Variants in ERBB3 observed in about 807,000 individuals in gnomAD.
The protein encoded by ERBB3 is erb-b2 receptor tyrosine kinase 3.
Under a neutral mutation model 156.7 loss-of-function variants are expected in ERBB3, and 96 were observed. The ratio of observed to expected loss-of-function variants is 0.61; its 90% CI spans 0.52 to 0.73. The LOEUF (loss-of-function observed/expected upper bound fraction) is 0.73. ERBB3 is among the 30% of genes least tolerant of loss of function. The probability of loss-of-function intolerance (pLI) is 0.00; values close to 1 mark genes in which losing one functional copy is unlikely to be tolerated. For missense variants in ERBB3, 1,406 were observed against 1,709.4 expected (o/e 0.82, Z 3.13); for synonymous variants, 567 against 632.0 (o/e 0.90, Z 1.54).
chr12:56,094,027 G>C, intron 13 of ERBB3, 72 bp from the exon 14 acceptor site: 1 of 1,556,502 alleles, frequency 6.4e-7, no homozygotes, highest in East Asian at 2.2e-5. Context: ...TAGGAGACCT[G>C]TGGTTGTGAG....
At position 56,100,254 on chromosome 12, in the gene ERBB3, T is replaced by C. The variant is rs778472746; in HGVS notation, c.3201+9T>C. ...TTGGGGAGTCTTGCCAGGTAAGTTC[T>C]GTTGCTGAGAGGCTGGGTTTTAGGA... On this transcript the variant is annotated intron_variant, in intron 26 of 27. Coordinates refer to ENST00000267101, the MANE Select transcript of ERBB3 (RefSeq NM_001982.4). 6.2e-7 allele frequency: 1 copy of C among 1,608,202 alleles called. No homozygotes were observed. Among genetic ancestry groups the C allele is most frequent in the East Asian group, 2.2e-5 (1 of 44,854 alleles).
intron 9 of ERBB3, among the ~76,000 whole-genome samples, chr12:56,089,871 G>C (rs1186067063): frequency 1.3e-5 from 2 of 149,972 alleles, no homozygotes; most frequent in African/African-American, 4.9e-5. Context: ...TTTAAAATGT[G>C]TGTGTGTGTG....
At chr12:56,094,653 AAG>A in intron 15 of ERBB3, 97 bp downstream of exon 15, 1 of 1,417,942 alleles carries the variant, frequency 7.1e-7, no homozygotes, top group Non-Finnish European at 9.7e-7. Flanking sequence ...GCTGTGATTC[AAG>A]AATCACTCCC....
Position 56,088,532 on chromosome 12 carries a change from C to G in ERBB3, c.875-11C>G, listed in dbSNP as rs1285521372. 6.3e-7 allele frequency: 1 copy of G among 1,589,912 alleles called. No individual in the cohort carries two copies. The highest frequency in any genetic ancestry group is 8.6e-7 in the Non-Finnish European group (1 of 1,157,984). ...CCTCATCTCTAATGGTGTCCTCCTC[C>G]TCTTCCCTAGATAACTTTGTGGTGG... is the stretch of plus-strand genomic sequence containing the variant. On this transcript the variant is annotated splice_polypyrimidine_tract_variant and intron_variant, in intron 7 of 27. Coordinates refer to ENST00000267101, the MANE Select transcript of ERBB3 (RefSeq NM_001982.4).
intron 13 of ERBB3, 29 bp from the exon 14 acceptor site, chr12:56,094,069 AC>A (rs547752484): frequency 1.0e-4 from 161 of 1,577,296 alleles, no homozygotes; most frequent in Middle Eastern, 3.3e-4. Context: ...CTTGGAAGTG[AC>A]CCCCCCCTCC....
intron 14 of ERBB3, 29 bp from the exon 15 acceptor site, chr12:56,094,373 T>C: frequency 6.2e-7 from 1 of 1,613,930 alleles, no homozygotes; most frequent in Non-Finnish European, 8.5e-7. Context: ...TGGGATCTGA[T>C]TCTTCCTGAC....
rs1869042238 is a variant in ERBB3, at chr12:56,100,192, C to T, written c.3148C>T (p.Pro1050Ser). 1 of 1,614,014 alleles carries T rather than the reference C, an allele frequency of 6.2e-7. No homozygotes were observed. Among genetic ancestry groups the T allele is most frequent in the Non-Finnish European group, 8.5e-7 (1 of 1,179,888 alleles). ...ATCCTAGAGCCAGAGCCTTTTAAGTCCATCATCTGGATACATGCCCATGAA... is the reference window on the plus strand; with the variant it reads ...ATCCTAGAGCCAGAGCCTTTTAAGTTCATCATCTGGATACATGCCCATGAA... ...RPRGSQSLLS[P>S]SSGYMPMNQG... Residue 1050 changes from proline to serine, a missense_variant, in exon 26 of 28, where the codon CCA becomes TCA. Coordinates refer to ENST00000267101, the MANE Select transcript of ERBB3 (RefSeq NM_001982.4).
chr12:56,091,275 T>A (rs10876871), intron 9 of ERBB3, among the ~76,000 whole-genome samples: 411 of 12,300 alleles, frequency 0.033, 13 homozygotes, highest in Non-Finnish European at 0.038. Flanking sequence ...TTTATATATA[T>A]ATATATATAT....
intron 7 of ERBB3, 51 bp from the exon 8 acceptor site, chr12:56,088,492 C>A (rs2136796437): frequency 1.5e-6 from 2 of 1,353,626 alleles, no homozygotes; most frequent in African/African-American, 1.4e-5. Flanking sequence ...CCATTGGTAG[C>A]TGGTGATGTT....
At chr12:56,083,535 C>CTTTTTTA in intron 1 of ERBB3, 1 of 597,026 alleles carries the variant, frequency 1.7e-6, no homozygotes, top group Non-Finnish European at 3.0e-6. Context: ...TTTCACCTTC[C>CTTTTTTA]CATTCATGGA....
intron 22 of ERBB3, 28 bp from the exon 23 acceptor site, chr12:56,098,731 G>C: frequency 1.2e-6 from 2 of 1,613,930 alleles, no homozygotes. Flanking sequence ...TATTTTGCCA[G>C]TGACTAGTCC....
chr12:56,096,442 G>A lies in ERBB3; in HGVS notation c.2056-61G>A, dbSNP rs564591346. The stretch of plus-strand genomic sequence containing the variant: ...CTTTTGGCATTCACCTATGAGGAGC[G>A]GGTTGGAGTGGGACATGGGAATGGC... On this transcript the variant is annotated intron_variant, in intron 17 of 27. Coordinates refer to ENST00000267101, the MANE Select transcript of ERBB3 (RefSeq NM_001982.4). 129 of 1,609,090 alleles carry A rather than the reference G, an allele frequency of 8.0e-5. No homozygotes were observed. The South Asian group carries it at 1.1e-3, about 14-fold the overall frequency.
intron 9 of ERBB3, among the ~76,000 whole-genome samples, chr12:56,089,347 C>G (rs1220553119): frequency 1.3e-5 from 2 of 152,054 alleles, no homozygotes; most frequent in African/African-American, 4.8e-5. Context: ...TCTCGAACTC[C>G]TGTGCTCAAG....
At chr12:56,086,901 G>A (rs1468131631) in intron 4 of ERBB3, among the ~76,000 whole-genome samples, 1 of 152,112 alleles carries the variant, frequency 6.6e-6, no homozygotes, top group Non-Finnish European at 1.5e-5. Flanking sequence ...TGGCACTTTG[G>A]GAAGCCAAGG....
chr12:56,093,273 C>T (rs1868774759), intron 11 of ERBB3, 72 bp from the exon 12 acceptor site: 4 of 1,434,000 alleles, frequency 2.8e-6, no homozygotes, highest in Non-Finnish European at 2.9e-6. Context: ...AATTTCTTGA[C>T]TAACATGAAT....
chr12:56,084,996 G>A lies in ERBB3; in HGVS notation c.236G>A (p.Trp79Ter). The change falls in exon 3 of 28, where the codon TGG (tryptophan) becomes TAG (stop). Residue 79 changes from tryptophan (W) to a stop codon, truncating the protein, a stop_gained and splice_region_variant. Transcript: ENST00000267101. LOFTEE classifies it high-confidence loss of function. ...TTTACATAATCTGCTCTGTCACAGT[G>A]GATTCGAGAAGTGACAGGCTATGTC... is the stretch of plus-strand genomic sequence containing the variant. ...GHNADLSFLQ[W>*]IREVTGYVLV... 1.2e-6 allele frequency: 2 copies of A among 1,613,664 alleles called. No homozygotes were observed. Among genetic ancestry groups the A allele is most frequent in the South Asian group, 1.1e-5 (1 of 91,074 alleles).
At position 56,085,041 on chromosome 12, in the gene ERBB3, TCTCTA is replaced by T. The variant is rs1868429895; in HGVS notation, c.288_292del (p.Leu97IlefsTer26). ...TATGTCCTCGTGGCCATGAATGAAT[TCTCTA>T]CTCTACCATTGCCCAACCTCCGCGT... On this transcript the variant is annotated frameshift_variant, in exon 3 of 28. Transcript: ENST00000267101. LOFTEE classifies it high-confidence loss of function. 1 of 1,614,088 alleles carries T rather than the reference TCTCTA, an allele frequency of 6.2e-7. No homozygotes were observed. Among genetic ancestry groups the T allele is most frequent in the South Asian group, 1.1e-5 (1 of 91,072 alleles).
In ERBB3 at chr12:56,098,494, C is replaced by T. The variant is rs1392213842; in HGVS notation, c.2617-6C>T. The T allele has an allele frequency of 4.4e-6, 7 of 1,601,014 alleles. No homozygotes were observed. Among genetic ancestry groups the T allele is most frequent in the Non-Finnish European group, 6.0e-6 (7 of 1,168,126 alleles). Reference sequence around the variant, plus strand: ...AACTTGTGATACCTCTATCTTTAATCCGCAGACTCCAATTAAGTGGATGGC... The same window carrying T: ...AACTTGTGATACCTCTATCTTTAATTCGCAGACTCCAATTAAGTGGATGGC... On this transcript the variant is annotated splice_polypyrimidine_tract_variant and splice_region_variant and intron_variant, in intron 21 of 27. Transcript: ENST00000267101.
At position 56,093,386 on chromosome 12, in the gene ERBB3, C is replaced by T; in HGVS notation, c.1316C>T (p.Thr439Ile). Residue 439 changes from threonine to isoleucine, a missense_variant, in exon 12 of 28, where the codon ACA (threonine) becomes ATA (isoleucine). Coordinates refer to ENST00000267101, the MANE Select transcript of ERBB3 (RefSeq NM_001982.4). ...SLLIMKNLNV[T>I]SLGFRSLKEI... ...TTGATCATGAAGAACTTGAATGTCA[C>T]ATCTCTGGGCTTCCGATCCCTGAAG... 4 of 1,614,076 alleles carry T rather than the reference C, an allele frequency of 2.5e-6. No individual in the cohort carries two copies. The highest frequency in any genetic ancestry group is 3.4e-6 in the Non-Finnish European group (4 of 1,180,020).
Sources: gnomAD v4.1 joint callset for allele counts (sites outside exome capture counted in the v4.1 genomes callset) on GRCh38, gnomAD v4.1.1 for gene constraint, MANE v1.5 for transcripts, NCBI Gene and HGNC (gene_info 2026-07-23, HGNC 2026-07-21) for gene names.